Variants in SGCZ observed in about 807,000 individuals in gnomAD.
SGCZ encodes the protein sarcoglycan zeta.
A neutral mutation model predicts 41.3 loss-of-function variants in SGCZ; 40 were observed. That is an observed-to-expected ratio of 0.97 (90% CI 0.75 to 1.26). SGCZ has a LOEUF of 1.26. Among genes scored for constraint, SGCZ ranks in the 50% most tolerant of loss-of-function variants. The pLI is 0.00. For synonymous variants in SGCZ, 206 were observed against 137.5 expected (o/e 1.50, Z -3.49); for missense variants, 552 against 369.8 (o/e 1.49, Z -4.04).
intron 1 of SGCZ, among the ~76,000 whole-genome samples, chr8:15,015,514 T>C (rs941891381): frequency 6.6e-6 from 1 of 151,760 alleles, no homozygotes; most frequent in Non-Finnish European, 1.5e-5. Context: ...GGTGAAACCC[T>C]GTCTCTACTG....
intron 3 of SGCZ, among the ~76,000 whole-genome samples, chr8:14,301,079 A>ATCATCT (rs1379792252): frequency 1.3e-5 from 2 of 151,692 alleles, no homozygotes. Context: ...CATCATCATC[A>ATCATCT]TCATCATCAT....
intron 4 of SGCZ, among the ~76,000 whole-genome samples, chr8:14,211,930 G>C (rs535007722): frequency 3.3e-5 from 5 of 152,144 alleles, no homozygotes; most frequent in African/African-American, 1.2e-4. Flanking sequence ...ATGAGCCACA[G>C]CTGTGCCATA....
At chr8:15,218,940 A>T (rs1026227362) in intron 1 of SGCZ, among the ~76,000 whole-genome samples, 5 of 152,190 alleles carry the variant, frequency 3.3e-5, no homozygotes, top group Admixed American at 1.3e-4. Flanking sequence ...ATCCTTGTCT[A>T]TGTGGTGCCA....
chr8:15,222,780 T>C (rs1280130891), intron 1 of SGCZ, among the ~76,000 whole-genome samples: 2 of 152,076 alleles, frequency 1.3e-5, no homozygotes, highest in East Asian at 3.9e-4. Flanking sequence ...TCTGTGTGTG[T>C]GTGTATGCGT....
At chr8:15,227,241 C>T (rs936470117) in intron 1 of SGCZ, among the ~76,000 whole-genome samples, 1 of 152,164 alleles carries the variant, frequency 6.6e-6, no homozygotes, top group Non-Finnish European at 1.5e-5. Flanking sequence ...GACAAAATCC[C>T]ATACAAATTT....
chr8:15,127,304 T>C (rs568329082), intron 1 of SGCZ, among the ~76,000 whole-genome samples: 1 of 151,350 alleles, frequency 6.6e-6, no homozygotes, highest in Non-Finnish European at 1.5e-5. Flanking sequence ...ATACATGGCA[T>C]ACCAGGATAG....
intron 1 of SGCZ, among the ~76,000 whole-genome samples, chr8:15,020,377 C>T (rs1037772316): frequency 5.3e-5 from 8 of 152,128 alleles, no homozygotes; most frequent in African/African-American, 1.2e-4. Flanking sequence ...GGAACAGGCT[C>T]GTGCAGCTGA....
intron 2 of SGCZ, 70 bp from the exon 3 acceptor site, chr8:14,324,274 G>T: frequency 9.1e-7 from 1 of 1,102,196 alleles, no homozygotes. Context: ...AATTTTCTTA[G>T]GCCTAAATTG....
intron 1 of SGCZ, among the ~76,000 whole-genome samples, chr8:14,701,177 T>G (rs949828248): frequency 6.6e-6 from 1 of 151,866 alleles, no homozygotes; most frequent in Non-Finnish European, 1.5e-5. Flanking sequence ...AAATGGAAAT[T>G]AAACATTACA....
At chr8:14,589,796 T>A (rs143926011) in intron 1 of SGCZ, among the ~76,000 whole-genome samples, 2 of 152,106 alleles carry the variant, frequency 1.3e-5, no homozygotes, top group South Asian at 4.1e-4. Flanking sequence ...AATCTTGAAA[T>A]ATGTTATCCA....
At chr8:14,415,714 A>G (rs527320088) in intron 2 of SGCZ, among the ~76,000 whole-genome samples, 1 of 152,038 alleles carries the variant, frequency 6.6e-6, no homozygotes, top group Non-Finnish European at 1.5e-5. Flanking sequence ...TCCTTGGAAT[A>G]ACAGTTGAGA....
chr8:15,128,618 C>A (rs1290247097), intron 1 of SGCZ, among the ~76,000 whole-genome samples: 1 of 152,154 alleles, frequency 6.6e-6, no homozygotes, highest in Non-Finnish European at 1.5e-5. Context: ...GCCCTGTGAT[C>A]CTGGAATACA....
intron 1 of SGCZ, among the ~76,000 whole-genome samples, chr8:15,025,768 G>A (rs532950347): frequency 1.3e-5 from 2 of 152,284 alleles, no homozygotes; most frequent in South Asian, 4.1e-4. Flanking sequence ...AGTGAGAAAA[G>A]TACCAGATTA....
At chr8:15,153,585 G>A (rs577097260) in intron 1 of SGCZ, among the ~76,000 whole-genome samples, 1 of 152,120 alleles carries the variant, frequency 6.6e-6, no homozygotes, top group Admixed American at 6.5e-5. Context: ...CCTCATGAAA[G>A]GCTTGGACTA....
chr8:14,731,481 C>G (rs1280539672), intron 1 of SGCZ, among the ~76,000 whole-genome samples: 1 of 152,016 alleles, frequency 6.6e-6, no homozygotes, highest in African/African-American at 2.4e-5. Flanking sequence ...ACGTGTATAC[C>G]TAGGTAACAA....
At chr8:14,624,815 C>G (rs1806400624) in intron 1 of SGCZ, among the ~76,000 whole-genome samples, 1 of 151,858 alleles carries the variant, frequency 6.6e-6, no homozygotes, top group African/African-American at 2.4e-5. Context: ...AGGAGATCCA[C>G]CCGCCATAGC....
intron 2 of SGCZ, among the ~76,000 whole-genome samples, chr8:14,390,609 G>C (rs758261603): frequency 9.9e-5 from 15 of 151,860 alleles, no homozygotes; most frequent in Non-Finnish European, 2.1e-4. Context: ...CATTGAAACA[G>C]TATGGCATGT....
At chr8:15,205,899 G>C (rs1292635097) in intron 1 of SGCZ, among the ~76,000 whole-genome samples, 1 of 152,112 alleles carries the variant, frequency 6.6e-6, no homozygotes, top group African/African-American at 2.4e-5. Context: ...GGAATACTAT[G>C]CAGTCATAAA....
intron 2 of SGCZ, among the ~76,000 whole-genome samples, chr8:14,492,034 G>T (rs1185030149): frequency 6.6e-6 from 1 of 152,126 alleles, no homozygotes; most frequent in Non-Finnish European, 1.5e-5. Flanking sequence ...AAAAATTAAT[G>T]CTGTCATTTA....
Sources: gnomAD v4.1 joint callset for allele counts (sites outside exome capture counted in the v4.1 genomes callset) on GRCh38, gnomAD v4.1.1 for gene constraint, MANE v1.5 for transcripts, NCBI Gene and HGNC (gene_info 2026-07-23, HGNC 2026-07-21) for gene names.